GUCY1B1: variants seen among roughly 807,000 people sequenced by gnomAD.
GUCY1B1 encodes guanylate cyclase 1 soluble subunit beta 1.
A neutral mutation model predicts 71.0 loss-of-function variants in GUCY1B1; 43 were observed. The observed-to-expected ratio is 0.61, with a 90% CI of 0.47 to 0.78. The LOEUF (loss-of-function observed/expected upper bound fraction) is 0.78, where lower values mean the gene tolerates loss of function less well. Among genes scored for constraint, GUCY1B1 ranks in the 30% least tolerant of loss-of-function variants. The pLI is 0.00. For missense variants in GUCY1B1, 535 were observed against 754.1 expected, an observed-to-expected ratio of 0.71 and a Z score of 3.40; for synonymous variants, 266 against 259.7, an observed-to-expected ratio of 1.02 and a Z score of -0.23.
In GUCY1B1 at chr4:155,802,367, T is replaced by A; in HGVS notation, c.1201T>A (p.Ser401Thr). 6.2e-7 allele frequency: 1 copy of A among 1,613,778 alleles called. No individual in the cohort carries two copies. The highest frequency in any genetic ancestry group is 8.5e-7 in the Non-Finnish European group (1 of 1,179,780). The change falls in exon 10 of 14, where the codon TCT becomes ACT. Residue 401 changes from serine (S) to threonine (T), a missense_variant. Ser to Thr is a moderately conservative substitution (Grantham distance 58). Transcript: ENST00000264424. This position sits in a 1 kb window ranked among gnomAD's most constrained non-coding sequence, Gnocchi z 4.3. Reference sequence around the variant, plus strand: ...ATTGCTGTATTCTGTCCTTCCTCCGTCTGTTGCCAATGAGCTGCGGCACAA... The same window carrying A: ...ATTGCTGTATTCTGTCCTTCCTCCGACTGTTGCCAATGAGCTGCGGCACAA... ...DTLLYSVLPP[S>T]VANELRHKRP... is the part of the protein sequence containing the mutation.
intron 7 of GUCY1B1, 129 bp downstream of exon 7, chr4:155,795,586 A>G: frequency 1.9e-6 from 1 of 521,432 alleles, no homozygotes; most frequent in East Asian, 3.1e-5. Flanking sequence ...AGGAAGATCT[A>G]TTTAAAAGGC....
chr4:155,776,498 C>G (rs934092724), intron 3 of GUCY1B1, among the ~76,000 whole-genome samples: 1 of 151,950 alleles, frequency 6.6e-6, no homozygotes, highest in Non-Finnish European at 1.5e-5. Flanking sequence ...GGTGAAACCC[C>G]CTCTCTACTA....
chr4:155,802,136 A>C lies in GUCY1B1; in HGVS notation c.1176-206A>C. ...TTTGGGCTTGCGGATGTCTTATGTG[A>C]TTAGGATGAACAAATAATTTATGTT... On this transcript the variant is annotated intron_variant, in intron 9 of 13. Coordinates refer to ENST00000264424, the MANE Select transcript of GUCY1B1 (RefSeq NM_000857.5). This position sits in a 1 kb window ranked among gnomAD's most constrained non-coding sequence, Gnocchi z 4.3. 1 of 1,215,184 alleles carries C rather than the reference A, an allele frequency of 8.2e-7. No individual in the cohort carries two copies. The highest frequency in any genetic ancestry group is 1.1e-6 in the Non-Finnish European group (1 of 896,304). 75.3% of individuals were successfully genotyped at this position (1,215,184 alleles called of 1,614,324 possible).
intron 1 of GUCY1B1, 35 bp from the exon 2 acceptor site, chr4:155,759,752 G>T: frequency 6.5e-7 from 1 of 1,532,858 alleles, no homozygotes; most frequent in Non-Finnish European, 9.0e-7. Context: ...GGTACAGCGG[G>T]TCCCTGACGC....
In GUCY1B1 at chr4:155,793,982, A is replaced by G; in HGVS notation, c.622A>G (p.Ile208Val). 2 of 1,611,108 alleles carry G rather than the reference A, an allele frequency of 1.2e-6. No homozygotes were observed. The highest frequency in any genetic ancestry group is 2.2e-5 in the South Asian group (2 of 91,028). ...FEENGTQESRISPYTFCKAFP... is the reference protein window; with the variant it reads ...FEENGTQESRVSPYTFCKAFP... The stretch of plus-strand genomic sequence containing the variant: ...AGAAAATGGTACCCAGGAATCACGC[A>G]TCAGCCCATATACATTCTGCAAAGC... Residue 208 changes from isoleucine to valine, a missense_variant, in exon 6 of 14, where the codon ATC (isoleucine) becomes GTC (valine). Coordinates refer to ENST00000264424, the MANE Select transcript of GUCY1B1 (RefSeq NM_000857.5).
At chr4:155,785,282 AT>A in intron 4 of GUCY1B1, 2 of 1,450,714 alleles carry the variant, frequency 1.4e-6, no homozygotes, top group Non-Finnish European at 1.9e-6. Flanking sequence ...ATCAAAGCAT[AT>A]TTCAGATTTA....
chr4:155,791,665 A>T (rs1450577464), intron 5 of GUCY1B1, among the ~76,000 whole-genome samples: 2 of 149,692 alleles, frequency 1.3e-5, no homozygotes, highest in South Asian at 4.4e-4. Flanking sequence ...CGGGAGGCAC[A>T]GGTTGCAGTG....
chr4:155,799,931 T>G lies in GUCY1B1; in HGVS notation c.1032T>G (p.Pro344=), dbSNP rs1739827492. 6.2e-7 allele frequency: 1 copy of G among 1,613,046 alleles called. No homozygotes were observed. Among genetic ancestry groups the G allele is most frequent in the Admixed American group, 1.7e-5 (1 of 59,958 alleles). ...TRRGLYLSDI[P]LHDATRDLVL... ...GAGGGCTGTATCTAAGTGACATCCCTCTGCATGATGCCACGCGCGATCTTG... is the reference window on the plus strand; with the variant it reads ...GAGGGCTGTATCTAAGTGACATCCCGCTGCATGATGCCACGCGCGATCTTG... The change falls in exon 9 of 14, where the codon CCT becomes CCG. Residue 344 remains proline, a synonymous_variant. Coordinates refer to ENST00000264424, the MANE Select transcript of GUCY1B1 (RefSeq NM_000857.5).
At chr4:155,778,040 C>T (rs1187133497) in intron 4 of GUCY1B1, among the ~76,000 whole-genome samples, 2 of 152,032 alleles carry the variant, frequency 1.3e-5, no homozygotes, top group Non-Finnish European at 2.9e-5. Context: ...TAGATATAAT[C>T]GAGCAATGTA....
At position 155,772,912 on chromosome 4, in the gene GUCY1B1, A is replaced by C. The variant is rs150172385; in HGVS notation, c.78-2056A>C. On this transcript the variant is annotated intron_variant, in intron 2 of 13. Transcript: ENST00000264424. ...AGAGGATGTTTTTAAGACTATCTGC[A>C]TACTAAGGTATGGATGTAAGACATA... Among the ~76,000 whole-genome samples the C allele has an allele frequency of 4.3e-3, 651 of 152,386 alleles. 7 individuals are homozygous for C. The highest frequency in any genetic ancestry group is 0.015 in the African/African-American group (620 of 41,594).
At position 155,804,627 on chromosome 4, in the gene GUCY1B1, C is replaced by T. The variant is rs2111182892; in HGVS notation, c.1589C>T (p.Thr530Ile). ...GGGATACACACTGGAGAGGTAGTTA[C>T]AGGTGTCATAGGACAGCGGATGCCT... ...TIGIHTGEVV[T>I]GVIGQRMPRY... The change falls in exon 12 of 14, where the codon ACA (threonine) becomes ATA (isoleucine). Residue 530 changes from threonine (T) to isoleucine (I), a missense_variant. Physicochemically the swap from Thr to Ile is moderately conservative, Grantham distance 89. Coordinates refer to ENST00000264424, the MANE Select transcript of GUCY1B1 (RefSeq NM_000857.5). 2.5e-6 allele frequency: 4 copies of T among 1,612,332 alleles called. No individual in the cohort carries two copies. The highest frequency in any genetic ancestry group is 3.4e-6 in the Non-Finnish European group (4 of 1,178,620).
chr4:155,763,196 A>G (rs1014119829), intron 2 of GUCY1B1, among the ~76,000 whole-genome samples: 3 of 151,984 alleles, frequency 2.0e-5, no homozygotes, highest in African/African-American at 7.3e-5. Flanking sequence ...CTTTCTTTCC[A>G]TATTTTTTCT....
chr4:155,802,340 A>G lies in GUCY1B1; in HGVS notation c.1176-2A>G. The G allele has an allele frequency of 6.2e-7, 1 of 1,613,820 alleles. No individual in the cohort carries two copies. The highest frequency in any genetic ancestry group is 1.1e-5 in the South Asian group (1 of 91,084). ...TGGCTTTCTGCTGATCCCACTGAAC[A>G]GATTGCTGTATTCTGTCCTTCCTCC... On this transcript the variant is annotated splice_acceptor_variant, in intron 9 of 13. Transcript: ENST00000264424. LOFTEE classifies it high-confidence loss of function. The surrounding 1 kb of genome is among the most constrained non-coding windows in gnomAD (Gnocchi z 4.3).
intron 3 of GUCY1B1, among the ~76,000 whole-genome samples, chr4:155,775,900 A>G (rs1738012359): frequency 6.6e-6 from 1 of 152,228 alleles, no homozygotes; most frequent in South Asian, 2.1e-4. Flanking sequence ...TAACTGGGCT[A>G]TAGTTTGGAT....
In GUCY1B1 at chr4:155,802,274, G is replaced by A. The variant is rs1561034061; in HGVS notation, c.1176-68G>A. The A allele has an allele frequency of 6.3e-7, 1 of 1,595,412 alleles. No homozygotes were observed. Among genetic ancestry groups the A allele is most frequent in the Non-Finnish European group, 8.5e-7 (1 of 1,171,572 alleles). ...AACGACACTGATGCTGTGTGAAAAG[G>A]ACAGCAGAAGCACTAAAGGCTTTCC... On this transcript the variant is annotated intron_variant, in intron 9 of 13. Coordinates refer to ENST00000264424, the MANE Select transcript of GUCY1B1 (RefSeq NM_000857.5). The surrounding 1 kb of genome is among the most constrained non-coding windows in gnomAD (Gnocchi z 4.3).
At chr4:155,774,520 A>G (rs1737908585) in intron 2 of GUCY1B1, among the ~76,000 whole-genome samples, 1 of 152,136 alleles carries the variant, frequency 6.6e-6, no homozygotes, top group Non-Finnish European at 1.5e-5. Context: ...TATTAATTTT[A>G]TGTTGTGTCT....
chr4:155,800,494 A>T (rs990024314), intron 9 of GUCY1B1, among the ~76,000 whole-genome samples: 2 of 152,216 alleles, frequency 1.3e-5, no homozygotes, highest in African/African-American at 4.8e-5. Flanking sequence ...TGGCCATTAC[A>T]TGTTTAAAAA....
Position 155,759,027 on chromosome 4 carries a change from G to C in GUCY1B1, c.-114G>C. On this transcript the variant is annotated 5_prime_UTR_variant, in exon 1 of 14. Transcript: ENST00000264424. ...GGCCAAGGCGGCTGTTCTCGCTCCA[G>C]CTCGATGCTGCCTCCCCGGCCCGGT... 1.7e-6 allele frequency: 2 copies of C among 1,180,196 alleles called. No individual in the cohort carries two copies. Among genetic ancestry groups the C allele is most frequent in the South Asian group, 1.3e-5 (1 of 77,014 alleles). The allele number at this position is 1,180,196 out of a possible 1,614,324, so 73.1% of individuals were successfully genotyped here.
intron 2 of GUCY1B1, among the ~76,000 whole-genome samples, chr4:155,760,507 T>A (rs1736930143): frequency 1.4e-5 from 2 of 138,070 alleles, no homozygotes; most frequent in African/African-American, 5.4e-5. Context: ...CTACTTTCAG[T>A]CCTGGAGCTT....
Sources: allele counts gnomAD v4.1 joint callset (sites outside exome capture counted in the v4.1 genomes callset), GRCh38; gene constraint gnomAD v4.1.1; non-coding constraint Gnocchi (gnomAD v3.1); transcripts MANE v1.5; gene names NCBI Gene and HGNC (gene_info 2026-07-23, HGNC 2026-07-21).